The following WFDC1 variants were observed in gnomAD, a reference collection of about 807,000 sequenced individuals.
WFDC1 encodes WAP four-disulfide core domain protein 1.
A neutral mutation model predicts 32.9 loss-of-function variants in WFDC1; 39 were observed. That is an observed-to-expected ratio of 1.19 (90% CI 0.92 to 1.55). The LOEUF (loss-of-function observed/expected upper bound fraction) is 1.55, where lower values mean the gene tolerates loss of function less well. WFDC1 is among the 40% of genes most tolerant of loss of function. The pLI is 0.00. For missense variants in WFDC1, 386 were observed against 309.5 expected (o/e 1.25, Z -1.85); for synonymous variants, 184 against 137.4 (o/e 1.34, Z -2.37).
chr16:84,323,850 G>A (rs1908438588), intron 4 of WFDC1, among the ~76,000 whole-genome samples: 1 of 152,256 alleles, frequency 6.6e-6, no homozygotes, highest in South Asian at 2.1e-4. Flanking sequence ...GCCGGGCATG[G>A]CGGCTCACGC....
intron 1 of WFDC1, among the ~76,000 whole-genome samples, chr16:84,311,695 C>CT (rs67144104): frequency 0.53 from 38,976 of 73,072 alleles, 11,583 homozygotes; most frequent in Middle Eastern, 0.69. Context: ...TGCCTGACTG[C>CT]TTTTTTTTTT....
chr16:84,321,209 G>GT (rs1908285874), intron 4 of WFDC1, among the ~76,000 whole-genome samples: 1 of 152,184 alleles, frequency 6.6e-6, no homozygotes, highest in Non-Finnish European at 1.5e-5. Flanking sequence ...TGTAAAATGG[G>GT]TTCATAATAC....
intron 1 of WFDC1, among the ~76,000 whole-genome samples, chr16:84,311,684 A>T (rs114210832): frequency 0.018 from 2,356 of 131,674 alleles, 36 homozygotes; most frequent in African/African-American, 0.038. Flanking sequence ...GAGAATGAGC[A>T]TGCCTGACTG....
chr16:84,319,103 C>G (rs184979034), intron 3 of WFDC1: 1 of 375,644 alleles, frequency 2.7e-6, no homozygotes, highest in Non-Finnish European at 4.9e-6. Flanking sequence ...GTCTGTGTCC[C>G]CATGCGACTG....
chr16:84,326,753 G>C lies in WFDC1; in HGVS notation c.605-129G>C, dbSNP rs1908623543. 6.8e-6 allele frequency: 7 copies of C among 1,023,396 alleles called. No individual in the cohort carries two copies. The South Asian group carries it at 8.4e-5, about 12-fold the overall frequency. 63.4% of individuals were successfully genotyped at this position (1,023,396 alleles called of 1,614,324 possible). A position where few individuals can be genotyped will look rare whatever the true frequency, so the allele number is the denominator to read the frequency against. ...GAGGCACTGCAGGTGGGGACTGAGT[G>C]ACCTCAGCTGGGGGAGGGAGGAGAG... is the stretch of plus-strand genomic sequence containing the variant. On this transcript the variant is annotated intron_variant, in intron 5 of 6. Transcript: ENST00000219454.
At chr16:84,318,628 G>A (rs369968649) in intron 3 of WFDC1, 1 of 367,500 alleles carries the variant, frequency 2.7e-6, no homozygotes, top group African/African-American at 2.0e-5. Context: ...AGGGGGCTTA[G>A]GGTTGGTTTT....
intron 1 of WFDC1, among the ~76,000 whole-genome samples, chr16:84,297,641 A>C (rs2550486): frequency 0.34 from 43,684 of 129,086 alleles, 7,618 homozygotes; most frequent in Admixed American, 0.41. Flanking sequence ...AAAAAAAAAA[A>C]AAAAAACTGT....
intron 1 of WFDC1, among the ~76,000 whole-genome samples, chr16:84,306,106 C>T (rs959624094): frequency 6.6e-5 from 10 of 152,170 alleles, no homozygotes; most frequent in Non-Finnish European, 1.0e-4. Context: ...GCCGAGCACA[C>T]GCAGGTGTGG....
intron 1 of WFDC1, among the ~76,000 whole-genome samples, chr16:84,307,543 A>G (rs1567654464): frequency 6.6e-6 from 1 of 152,020 alleles, no homozygotes; most frequent in Non-Finnish European, 1.5e-5. Context: ...GCTCAAATTG[A>G]TCTCTGCGTA....
In WFDC1 at chr16:84,318,460, G is replaced by A. The variant is rs976499888; in HGVS notation, c.421+105G>A. ...CCAGGCCGGCTGTCCCCCATGCACG[G>A]GCCCTTCAGCCAAACACTCAGCCCT... On this transcript the variant is annotated intron_variant, in intron 3 of 6. Coordinates refer to ENST00000219454, the MANE Select transcript of WFDC1 (RefSeq NM_021197.4). 1.1e-5 allele frequency: 12 copies of A among 1,077,612 alleles called. No individual in the cohort carries two copies. The Admixed American group carries it at 2.4e-4, about 21-fold the overall frequency. The allele number at this position is 1,077,612 out of a possible 1,614,324, so 66.8% of individuals were successfully genotyped here.
rs982924330 is a variant in WFDC1, at chr16:84,295,282, G to C, written c.144+167G>C. The C allele has an allele frequency of 5.3e-5, 43 of 809,246 alleles. No homozygotes were observed. The African/African-American group carries it at 7.0e-4, about 13-fold the overall frequency. 50.1% of individuals were successfully genotyped at this position (809,246 alleles called of 1,614,324 possible). The stretch of plus-strand genomic sequence containing the variant: ...TCTGAGTTGTGTGGTGGGCAGATGG[G>C]GCTCACCCCCAAAAAAGGACCCTTA... On this transcript the variant is annotated intron_variant, in intron 1 of 6. Coordinates refer to ENST00000219454, the MANE Select transcript of WFDC1 (RefSeq NM_021197.4).
chr16:84,299,675 G>C (rs1209819604), intron 1 of WFDC1, among the ~76,000 whole-genome samples: 1 of 152,200 alleles, frequency 6.6e-6, no homozygotes, highest in African/African-American at 2.4e-5. Flanking sequence ...TGCGGGCCTC[G>C]GTGCTATGCA....
chr16:84,319,133 C>A (rs1199426563), intron 3 of WFDC1: 12 of 440,570 alleles, frequency 2.7e-5, no homozygotes, highest in Non-Finnish European at 4.5e-5. Flanking sequence ...GTGTGTGTTT[C>A]AGGGTGTATC....
At chr16:84,321,782 C>T (rs566757598) in intron 4 of WFDC1, among the ~76,000 whole-genome samples, 2 of 152,186 alleles carry the variant, frequency 1.3e-5, no homozygotes, top group Non-Finnish European at 2.9e-5. Flanking sequence ...AACCAGGAGG[C>T]AGTGCTGCAT....
intron 1 of WFDC1, chr16:84,295,895 C>G (rs1906569065): frequency 6.6e-6 from 1 of 152,392 alleles, no homozygotes; most frequent in African/African-American, 2.4e-5. Flanking sequence ...CAGGTACTGT[C>G]CTAGGCTGTG....
Position 84,313,082 on chromosome 16 carries a change from G to C in WFDC1, c.266G>C (p.Cys89Ser). The C allele has an allele frequency of 1.4e-6, 2 of 1,425,166 alleles. No homozygotes were observed. The highest frequency in any genetic ancestry group is 1.8e-6 in the Non-Finnish European group (2 of 1,094,824). The allele number at this position is 1,425,166 out of a possible 1,614,324, so 88.3% of individuals were successfully genotyped here. Reference sequence around the variant, plus strand: ...GCGCGCTGTCAGGCGGACTCCGAGTGCCCGCGGCACCGGCGCTGCTGCTAC... The same window carrying C: ...GCGCGCTGTCAGGCGGACTCCGAGTCCCCGCGGCACCGGCGCTGCTGCTAC... ...QAARCQADSE[C>S]PRHRRCCYNG... Residue 89 changes from cysteine (C) to serine (S), a missense_variant, in exon 2 of 7, where the codon TGC (cysteine) becomes TCC (serine). Cys to Ser is a moderately radical substitution (Grantham distance 112). Coordinates refer to ENST00000219454, the MANE Select transcript of WFDC1 (RefSeq NM_021197.4).
chr16:84,326,833 G>A, intron 5 of WFDC1, 49 bp from the exon 6 acceptor site: 1 of 1,611,998 alleles, frequency 6.2e-7, no homozygotes, highest in East Asian at 2.2e-5. Context: ...GGGGGCATTA[G>A]AGCAGGAATA....
chr16:84,318,254 G>A lies in WFDC1; in HGVS notation c.338-18G>A, dbSNP rs756568107. ...AGCTGCTTGAGGAGGGCCCTGATCTGACCCCGTATTGTGTTAGTCTTAGAC... is the reference window on the plus strand; with the variant it reads ...AGCTGCTTGAGGAGGGCCCTGATCTAACCCCGTATTGTGTTAGTCTTAGAC... On this transcript the variant is annotated intron_variant, in intron 2 of 6. Coordinates refer to ENST00000219454, the MANE Select transcript of WFDC1 (RefSeq NM_021197.4). 1 of 1,613,898 alleles carries A rather than the reference G, an allele frequency of 6.2e-7. No homozygotes were observed. Among genetic ancestry groups the A allele is most frequent in the Non-Finnish European group, 8.5e-7 (1 of 1,179,830 alleles).
chr16:84,302,004 A>G (rs1220491900), intron 1 of WFDC1, among the ~76,000 whole-genome samples: 1 of 152,200 alleles, frequency 6.6e-6, no homozygotes, highest in East Asian at 1.9e-4. Flanking sequence ...GGGTGAGCAC[A>G]TCGCACCTGT....
Sources: gnomAD v4.1 joint callset for allele counts (sites outside exome capture counted in the v4.1 genomes callset) on GRCh38, gnomAD v4.1.1 for gene constraint, MANE v1.5 for transcripts, NCBI Gene and HGNC (gene_info 2026-07-23, HGNC 2026-07-21) for gene names.